Variants in SEM1 observed in about 807,000 individuals in gnomAD.
SEM1 encodes the protein SEM1 26S proteasome subunit, also known as 26S proteasome complex subunit SEM1.
A neutral mutation model predicts 12.7 loss-of-function variants in SEM1; 3 were observed. The ratio of observed to expected loss-of-function variants is 0.24; its 90% CI spans 0.11 to 0.61. The LOEUF is 0.61. SEM1 is among the 20% of genes least tolerant of loss of function. The pLI is 0.88. For synonymous variants in SEM1, 30 were observed against 27.8 expected (o/e 1.08, Z -0.25); for missense variants, 59 against 81.3 (o/e 0.73, Z 1.06).
Position 96,709,826 on chromosome 7 carries a change from C to G in SEM1, c.-63G>C, listed in dbSNP as rs1260344814. 4.7e-6 allele frequency: 7 copies of G among 1,498,768 alleles called. No individual in the cohort carries two copies. Among genetic ancestry groups the G allele is most frequent in the Admixed American group, 1.7e-5 (1 of 59,344 alleles). 92.8% of individuals were successfully genotyped at this position (1,498,768 alleles called of 1,614,324 possible). A position where few individuals can be genotyped will look rare whatever the true frequency, so the allele number is the denominator to read the frequency against. On this transcript the variant is annotated 5_prime_UTR_variant, in exon 1 of 3. Transcript: ENST00000248566. ...AAAAGTTGGAACCCTCACTCTTCCT[C>G]AAGGAAACGCCACCGTCACTACCGC...
At chr7:96,497,706 T>G (rs1803347445), upstream of SEM1, among the ~76,000 whole-genome samples, 1 of 152,116 alleles carries the variant, frequency 6.6e-6, no homozygotes, top group African/African-American at 2.4e-5. Context: ...AAACAGCAAT[T>G]TTTAGACATT....
At chr7:96,508,177 A>G (rs1232306931) in intron 2 of SEM1, among the ~76,000 whole-genome samples, 1 of 152,122 alleles carries the variant, frequency 6.6e-6, no homozygotes, top group Non-Finnish European at 1.5e-5. Context: ...CAAGATTAGG[A>G]ACAAGAGAAT....
chr7:96,636,348 G>A (rs1001657910), intron 2 of SEM1, among the ~76,000 whole-genome samples: 1 of 151,778 alleles, frequency 6.6e-6, no homozygotes, highest in African/African-American at 2.4e-5. Context: ...GGAAGGTCAT[G>A]GTGACTGGGT....
intron 2 of SEM1, among the ~76,000 whole-genome samples, chr7:96,676,753 A>G (rs1789459420): frequency 6.6e-6 from 1 of 152,202 alleles, no homozygotes; most frequent in East Asian, 1.9e-4. Flanking sequence ...ACAAATTTAT[A>G]CAGAGGATCT....
At chr7:96,589,821 G>A (rs1806771073) in intron 2 of SEM1, among the ~76,000 whole-genome samples, 1 of 152,100 alleles carries the variant, frequency 6.6e-6, no homozygotes, top group African/African-American at 2.4e-5. Context: ...ATTTTAATTA[G>A]ACTACTATTT....
chr7:96,496,459 G>A (rs1803265816), upstream of SEM1: 4 of 550,116 alleles, frequency 7.3e-6, no homozygotes, highest in Non-Finnish European at 1.3e-5. Context: ...TGGAACATAT[G>A]TTTTCTCCTA....
Position 96,588,199 on chromosome 7 carries a change from T to G in SEM1, c.171-81501A>C, listed in dbSNP as rs1475227596. ...GCCTGGGCAATAGTGAGACAAAAAATTTAAAAATTAGCCAGGTGTCGTGGT... is the reference window on the plus strand; with the variant it reads ...GCCTGGGCAATAGTGAGACAAAAAAGTTAAAAATTAGCCAGGTGTCGTGGT... On this transcript the variant is annotated intron_variant and NMD_transcript_variant, in intron 2 of 3. Transcript: ENST00000466986. Among the ~76,000 whole-genome samples the G allele has an allele frequency of 2.6e-5, 4 of 151,158 alleles. No homozygotes were observed. In the South Asian group the frequency reaches 8.4e-4, roughly 32 times the overall value.
chr7:96,520,117 A>G (rs1470271091), intron 2 of SEM1, among the ~76,000 whole-genome samples: 1 of 152,186 alleles, frequency 6.6e-6, no homozygotes, highest in Non-Finnish European at 1.5e-5. Context: ...AGATGACCAA[A>G]GCTGAAGTAG....
chr7:96,511,134 T>G (rs1011680416), intron 2 of SEM1, among the ~76,000 whole-genome samples: 70 of 152,178 alleles, frequency 4.6e-4, no homozygotes, highest in African/African-American at 1.6e-3. Flanking sequence ...GATGAGATGA[T>G]ATGAATACTA....
chr7:96,534,902 C>T (rs1008076502), intron 2 of SEM1, among the ~76,000 whole-genome samples: 3 of 151,900 alleles, frequency 2.0e-5, no homozygotes, highest in African/African-American at 7.2e-5. Context: ...TTCTTTTTAA[C>T]ATTTCTGTTT....
At chr7:96,682,442 G>C (rs1320437239) in intron 2 of SEM1, among the ~76,000 whole-genome samples, 3 of 152,046 alleles carry the variant, frequency 2.0e-5, no homozygotes, top group Non-Finnish European at 4.4e-5. Flanking sequence ...AGTGGTGAGA[G>C]AGGTCATCCT....
chr7:96,577,921 A>G (rs1806258840), intron 2 of SEM1, among the ~76,000 whole-genome samples: 1 of 152,064 alleles, frequency 6.6e-6, no homozygotes, highest in South Asian at 2.1e-4. Context: ...AGAAATTACT[A>G]TATGCAGGAT....
At chr7:96,503,510 A>G (rs1054901103) in intron 3 of SEM1, 1 of 152,174 alleles carries the variant, frequency 6.6e-6, no homozygotes, top group Non-Finnish European at 1.5e-5. Flanking sequence ...CGGAGACTGC[A>G]TATCGTGAAT....
intron 2 of SEM1, among the ~76,000 whole-genome samples, chr7:96,485,536 C>CTTTTTTTTTTTTTTTTTTTTTTTT (rs61088450): frequency 1.3e-5 from 1 of 76,704 alleles, no homozygotes. Flanking sequence ...TCTCTACATT[C>CTTTTTTTTTTTTTTTTTTTTTTTT]TTTTTTTTTT....
rs143478721 is a variant in SEM1, at chr7:96,641,068, T to C, written c.171-18425A>G. On this transcript the variant is annotated intron_variant, in intron 2 of 2. Transcript: ENST00000417009. ...TCTTAAGAAGTTATTTTTGATAACA[T>C]ACTTTCCTAAAAATTTTTCAATTTT... 2.4e-3 allele frequency among the ~76,000 whole-genome samples: 367 copies of C among 152,042 alleles called. 2 individuals are homozygous for C. The highest frequency in any genetic ancestry group is 8.4e-3 in the African/African-American group (348 of 41,532).
At chr7:96,605,558 G>C (rs544362756) in intron 2 of SEM1, among the ~76,000 whole-genome samples, 88 of 152,214 alleles carry the variant, frequency 5.8e-4, no homozygotes, top group African/African-American at 2.1e-3. Context: ...ATTTAGATTG[G>C]GACTGCTTCC....
downstream of SEM1, among the ~76,000 whole-genome samples, chr7:96,621,304 T>A (rs1032536114): frequency 5.9e-5 from 9 of 152,200 alleles, no homozygotes; most frequent in Non-Finnish European, 1.2e-4. Flanking sequence ...AGCATCCACA[T>A]AATTGATGAG....
chr7:96,499,804 AC>A (rs376613545), upstream of SEM1, among the ~76,000 whole-genome samples: 63 of 152,308 alleles, frequency 4.1e-4, no homozygotes, highest in East Asian at 9.3e-3. Flanking sequence ...ATATCAGGAA[AC>A]AATTCCTACA....
intron 2 of SEM1, among the ~76,000 whole-genome samples, chr7:96,509,811 A>C (rs529197907): frequency 6.6e-6 from 1 of 152,278 alleles, no homozygotes; most frequent in African/African-American, 2.4e-5. Context: ...CAAATATTGT[A>C]TGATTCCATT....
Sources: allele counts gnomAD v4.1 joint callset (sites outside exome capture counted in the v4.1 genomes callset), GRCh38; gene constraint gnomAD v4.1.1; transcripts MANE v1.5; gene names NCBI Gene and HGNC (gene_info 2026-07-23, HGNC 2026-07-21).